Variants in CATSPERE observed in about 807,000 individuals in gnomAD.
CATSPERE encodes cation channel sperm-associated auxiliary subunit epsilon.
A neutral mutation model predicts 114.1 loss-of-function variants in CATSPERE; 93 were observed. The ratio of observed to expected loss-of-function variants is 0.81; its 90% CI spans 0.69 to 0.97. The LOEUF (loss-of-function observed/expected upper bound fraction) is 0.97, where lower values mean the gene tolerates loss of function less well. Among genes scored for constraint, CATSPERE ranks in the 50% least tolerant of loss-of-function variants. The probability of loss-of-function intolerance (pLI) is 0.00; values close to 1 mark genes in which losing one functional copy is unlikely to be tolerated. For missense variants in CATSPERE, 1,058 were observed against 1,131.6 expected, an observed-to-expected ratio of 0.93 and a Z score of 0.93; for synonymous variants, 341 against 384.1, an observed-to-expected ratio of 0.89 and a Z score of 1.31.
intron 10 of CATSPERE, among the ~76,000 whole-genome samples, chr1:244,567,230 G>A (rs1179680054): frequency 6.6e-6 from 1 of 152,116 alleles, no homozygotes; most frequent in African/African-American, 2.4e-5. Flanking sequence ...GAGTCTGATG[G>A]GCTTCTTTTT....
intron 6 of CATSPERE, 54 bp from the exon 7 acceptor site, chr1:244,498,948 A>G: frequency 1.4e-6 from 2 of 1,389,698 alleles, no homozygotes; most frequent in South Asian, 1.2e-5. Flanking sequence ...TGCCACAACT[A>G]AAAAAGAAAT....
intron 8 of CATSPERE, among the ~76,000 whole-genome samples, chr1:244,525,233 G>A (rs1348310966): frequency 6.0e-5 from 9 of 149,328 alleles, no homozygotes; most frequent in East Asian, 3.9e-4. Context: ...GTAAACTATC[G>A]CAAGAACAAA....
rs560103794 is a variant in CATSPERE at position 244,575,167 on chromosome 1, T to A, written c.1950+2395T>A. Among the ~76,000 whole-genome samples the A allele has an allele frequency of 3.3e-5, 5 of 152,332 alleles. No individual in the cohort carries two copies. Among genetic ancestry groups the A allele is most frequent in the Admixed American group, 2.0e-4 (3 of 15,308 alleles). On this transcript the variant is annotated intron_variant, in intron 11 of 21. Coordinates refer to ENST00000366534, the MANE Select transcript of CATSPERE (RefSeq NM_001130957.2). This position sits in a 1 kb window ranked among gnomAD's most constrained non-coding sequence, Gnocchi z 4.5. Reference sequence around the variant, plus strand: ...CCTGTTTCTTTCTGATTTTCCTTTTTACTTTCTCCCTTCCTCTCTTACACT... The same window carrying A: ...CCTGTTTCTTTCTGATTTTCCTTTTAACTTTCTCCCTTCCTCTCTTACACT...
chr1:244,552,208 T>C (rs1051789964), intron 8 of CATSPERE, 114 bp from the exon 9 acceptor site: 2 of 1,315,694 alleles, frequency 1.5e-6, no homozygotes, highest in Non-Finnish European at 1.0e-6. Context: ...ATTTGTCTTA[T>C]CCAGATTTGT....
In CATSPERE at chr1:244,560,896, T is replaced by C. The variant is rs1429370298; in HGVS notation, c.1258T>C (p.Phe420Leu). 2 of 1,614,020 alleles carry C rather than the reference T, an allele frequency of 1.2e-6. No individual in the cohort carries two copies. The highest frequency in any genetic ancestry group is 2.7e-5 in the African/African-American group (2 of 74,930). The change falls in exon 10 of 22, where the codon TTC becomes CTC. Residue 420 changes from phenylalanine to leucine, a missense_variant. By Grantham distance (22) the Phe-to-Leu change is conservative. Around this residue, in one of 2 missense-constraint regions of CATSPERE, gnomAD observed 787 missense variants for 905.6 expected, o/e 0.87. Coordinates refer to ENST00000366534, the MANE Select transcript of CATSPERE (RefSeq NM_001130957.2). ...TGTATGTAACGTCACCAAAAAGATT[T>C]TCTTAGTGATATATAATGAAGATAC... Reference protein sequence around the residue: ...CTVCNVTKKIFLVIYNEDTKQ... With the variant: ...CTVCNVTKKILLVIYNEDTKQ...
At chr1:244,526,924 G>A (rs1427499012) in intron 8 of CATSPERE, among the ~76,000 whole-genome samples, 1 of 152,100 alleles carries the variant, frequency 6.6e-6, no homozygotes, top group African/African-American at 2.4e-5. Context: ...AAACCAGCAG[G>A]TTTTTATTAG....
chr1:244,556,303 A>T lies in CATSPERE; in HGVS notation c.1029+3489A>T, dbSNP rs1274268309. Among the ~76,000 whole-genome samples the T allele has an allele frequency of 2.0e-5, 3 of 146,462 alleles. No homozygotes were observed. The East Asian group carries it at 5.8e-4, about 28-fold the overall frequency. On this transcript the variant is annotated intron_variant, in intron 9 of 21. Transcript: ENST00000366534. ...GTAAAAAATTCAATGAACTAAAATG[A>T]AATATGAAAAAAATTATAAAATCCA...
intron 20 of CATSPERE, among the ~76,000 whole-genome samples, chr1:244,623,479 C>T (rs573646497): frequency 7.2e-5 from 11 of 152,288 alleles, no homozygotes; most frequent in Non-Finnish European, 1.3e-4. Flanking sequence ...GTGTTGCAGG[C>T]AGAGGCTTTG....
At chr1:244,606,158 C>T (rs1312338708) in intron 18 of CATSPERE, among the ~76,000 whole-genome samples, 1 of 152,076 alleles carries the variant, frequency 6.6e-6, no homozygotes, top group Non-Finnish European at 1.5e-5. Flanking sequence ...CTTCGTCTCA[C>T]TTGACTTCCC....
At position 244,617,410 on chromosome 1, in the gene CATSPERE, A is replaced by G. The variant is rs1441181287; in HGVS notation, c.2491-119A>G. ...GTGCTATAAAGAGCACTGCAGGGGT[A>G]AAATAGAAGGGAATAGCCATTACAT... On this transcript the variant is annotated intron_variant, in intron 19 of 21. Transcript: ENST00000366534. 4 of 754,302 alleles carry G rather than the reference A, an allele frequency of 5.3e-6. No homozygotes were observed. The Admixed American group carries it at 1.5e-4, about 27-fold the overall frequency. 46.7% of individuals were successfully genotyped at this position (754,302 alleles called of 1,614,324 possible). A position where few individuals can be genotyped will look rare whatever the true frequency, so the allele number is the denominator to read the frequency against.
At chr1:244,557,868 A>C (rs1661896944) in intron 9 of CATSPERE, among the ~76,000 whole-genome samples, 1 of 150,802 alleles carries the variant, frequency 6.6e-6, no homozygotes, top group Non-Finnish European at 1.5e-5. Flanking sequence ...TTATTTTTTC[A>C]CTGTTTTTTC....
At chr1:244,622,401 C>CTTTT (rs142928066) in intron 20 of CATSPERE, among the ~76,000 whole-genome samples, 8 of 90,540 alleles carry the variant, frequency 8.8e-5, no homozygotes, top group African/African-American at 2.0e-4. Context: ...CTTTCCTTTT[C>CTTTT]TTTTTTTTTT....
intron 17 of CATSPERE, among the ~76,000 whole-genome samples, chr1:244,604,673 G>A (rs192488533): frequency 1.3e-5 from 2 of 152,330 alleles, no homozygotes; most frequent in Non-Finnish European, 1.5e-5. Flanking sequence ...AGGCATGGGG[G>A]ACAATTTCAT....
At chr1:244,497,368 A>G (rs968447800) in intron 6 of CATSPERE, among the ~76,000 whole-genome samples, 1 of 152,212 alleles carries the variant, frequency 6.6e-6, no homozygotes, top group Admixed American at 6.5e-5. Flanking sequence ...AATACGTAAA[A>G]AAATTTCAAA....
chr1:244,529,856 G>A (rs1186260143), intron 8 of CATSPERE, among the ~76,000 whole-genome samples: 1 of 152,096 alleles, frequency 6.6e-6, no homozygotes, highest in Non-Finnish European at 1.5e-5. Context: ...TGAGGTTTTA[G>A]ACTTAAGTCT....
At chr1:244,610,119 A>G (rs1467835747) in intron 18 of CATSPERE, 121 bp from the exon 19 acceptor site, 15 of 642,276 alleles carry the variant, frequency 2.3e-5, no homozygotes, top group Non-Finnish European at 3.8e-5. Context: ...ACCAGCCAAC[A>G]TTTAAATAAT....
chr1:244,588,814 G>A (rs1279219369), intron 14 of CATSPERE, among the ~76,000 whole-genome samples: 2 of 152,092 alleles, frequency 1.3e-5, no homozygotes, highest in African/African-American at 4.8e-5. Flanking sequence ...GTCCTTCACA[G>A]TTGCCTCTCT....
At chr1:244,527,987 G>A (rs189441518) in intron 8 of CATSPERE, among the ~76,000 whole-genome samples, 71 of 152,210 alleles carry the variant, frequency 4.7e-4, no homozygotes, top group African/African-American at 1.7e-3. Flanking sequence ...TTAAGTTCAG[G>A]GATACAGCAA....
intron 20 of CATSPERE, among the ~76,000 whole-genome samples, chr1:244,621,235 T>TTATATAGATATATC (rs1672277537): frequency 1.7e-5 from 1 of 58,824 alleles, no homozygotes; most frequent in African/African-American, 9.3e-5. Flanking sequence ...ATAAATATAT[T>TTATATAGATATATC]TATATAGATA....
Sources: gnomAD v4.1 joint callset for allele counts (sites outside exome capture counted in the v4.1 genomes callset) on GRCh38, gnomAD v4.1.1 for gene constraint, gnomAD v4.1.1 regional missense constraint, Gnocchi (gnomAD v3.1) non-coding constraint, MANE v1.5 for transcripts, NCBI Gene and HGNC (gene_info 2026-07-23, HGNC 2026-07-21) for gene names.